The following ADAMTS18 variants were observed in gnomAD, a reference collection of about 807,000 sequenced individuals.
The protein encoded by ADAMTS18 is ADAM metallopeptidase with thrombospondin type 1 motif 18, also known as A disintegrin and metalloproteinase with thrombospondin motifs 18.
Under a neutral mutation model 165.9 loss-of-function variants are expected in ADAMTS18, and 157 were observed. The observed-to-expected ratio is 0.95, with a 90% CI of 0.83 to 1.08. ADAMTS18 has a LOEUF of 1.08. ADAMTS18 is among the 50% of genes least tolerant of loss of function. The probability of loss-of-function intolerance (pLI) is 0.00; values close to 1 mark genes in which losing one functional copy is unlikely to be tolerated. For synonymous variants in ADAMTS18, 782 were observed against 578.2 expected, an observed-to-expected ratio of 1.35 and a Z score of -5.06; for missense variants, 2,040 against 1,534.0, an observed-to-expected ratio of 1.33 and a Z score of -5.51.
chr16:77,333,885 G>GTATAATAGTATAA (rs141377842), intron 12 of ADAMTS18, among the ~76,000 whole-genome samples: 2 of 142,974 alleles, frequency 1.4e-5, no homozygotes, highest in Non-Finnish European at 3.0e-5. Flanking sequence ...TAGTATATTA[G>GTATAATAGTATAA]TATATTAATA....
chr16:77,434,807 G>C lies in ADAMTS18; in HGVS notation c.-112C>G, dbSNP rs2057777941. 1.1e-6 allele frequency: 1 copy of C among 890,234 alleles called. No individual in the cohort carries two copies. Among genetic ancestry groups the C allele is most frequent in the African/African-American group, 1.8e-5 (1 of 56,148 alleles). 55.1% of individuals were successfully genotyped at this position (890,234 alleles called of 1,614,324 possible). On this transcript the variant is annotated 5_prime_UTR_variant, in exon 1 of 23. Transcript: ENST00000282849. ...GCTCGGCGCCCCAGGTGCGGCTCCA[G>C]GTGAGAGCCGCCGCCGTTCACATCG... is the stretch of plus-strand genomic sequence containing the variant.
chr16:77,362,316 T>C, intron 6 of ADAMTS18, 52 bp from the exon 7 acceptor site: 3 of 1,592,456 alleles, frequency 1.9e-6, no homozygotes, highest in Non-Finnish European at 2.6e-6. Flanking sequence ...GAGATGAGAA[T>C]GCTGAATCAT....
Position 77,400,444 on chromosome 16 carries a change from GTGTGTGTGTGTC to G in ADAMTS18, c.495+30839_495+30850del, listed in dbSNP as rs1203528697. On this transcript the variant is annotated intron_variant, in intron 3 of 22. Transcript: ENST00000282849. ...GGGAATTGTGTGTGTGTGTGTGTGT[GTGTGTGTGTGTC>G]TGTGTGTGTGTGTGTGTGTGTGTGT... Among the ~76,000 whole-genome samples, 103 of 80,668 alleles carry G rather than the reference GTGTGTGTGTGTC, an allele frequency of 1.3e-3. 1 individual carries two copies. Among genetic ancestry groups the G allele is most frequent in the African/African-American group, 3.4e-3 (86 of 25,354 alleles). 52.9% of individuals were successfully genotyped at this position (80,668 alleles called of 152,430 possible).
intron 3 of ADAMTS18, among the ~76,000 whole-genome samples, chr16:77,399,023 C>T (rs906477985): frequency 3.3e-5 from 5 of 152,162 alleles, no homozygotes; most frequent in African/African-American, 1.2e-4. Context: ...AGCATCCTGA[C>T]CTGACTGCTA....
chr16:77,300,156 A>G, intron 17 of ADAMTS18, 107 bp downstream of exon 17: 1 of 1,331,600 alleles, frequency 7.5e-7, no homozygotes, highest in Non-Finnish European at 1.1e-6. Flanking sequence ...CATAAAAGAC[A>G]GTTCTTGGGT....
At chr16:77,401,583 C>G (rs1013955098) in intron 3 of ADAMTS18, among the ~76,000 whole-genome samples, 1 of 152,174 alleles carries the variant, frequency 6.6e-6, no homozygotes, top group Non-Finnish European at 1.5e-5. Flanking sequence ...TTGACAAGTT[C>G]TGTGTGAAGA....
At chr16:77,352,719 G>C (rs1179463356) in intron 10 of ADAMTS18, among the ~76,000 whole-genome samples, 1 of 151,950 alleles carries the variant, frequency 6.6e-6, no homozygotes, top group African/African-American at 2.4e-5. Context: ...GGAAAGAGGA[G>C]CTATAAACCT....
intron 3 of ADAMTS18, among the ~76,000 whole-genome samples, chr16:77,381,733 C>T (rs564560019): frequency 2.6e-4 from 40 of 152,184 alleles, no homozygotes; most frequent in Admixed American, 1.4e-3. Flanking sequence ...ACCCAGGAGG[C>T]GGAGGTTGCA....
chr16:77,350,628 G>C (rs560729160), intron 10 of ADAMTS18, among the ~76,000 whole-genome samples: 1 of 152,150 alleles, frequency 6.6e-6, no homozygotes, highest in Non-Finnish European at 1.5e-5. Context: ...CCAGAGATTT[G>C]TGTGTGCAAA....
intron 3 of ADAMTS18, among the ~76,000 whole-genome samples, chr16:77,411,796 C>T (rs1281298112): frequency 1.3e-5 from 2 of 148,260 alleles, no homozygotes; most frequent in South Asian, 2.2e-4. Context: ...AAGCGATTCT[C>T]CTGTCTCAGC....
At chr16:77,422,953 C>T (rs777466503) in intron 3 of ADAMTS18, among the ~76,000 whole-genome samples, 1 of 152,214 alleles carries the variant, frequency 6.6e-6, no homozygotes, top group Non-Finnish European at 1.5e-5. Context: ...CTCGTTTCCA[C>T]TGAAGGTCCT....
chr16:77,354,166 T>G (rs1263785423), intron 9 of ADAMTS18, among the ~76,000 whole-genome samples: 2 of 152,140 alleles, frequency 1.3e-5, no homozygotes, highest in African/African-American at 2.4e-5. Context: ...GTTAATACAT[T>G]TGAAAACTCC....
intron 17 of ADAMTS18, 103 bp from the exon 18 acceptor site, chr16:77,297,518 A>G: frequency 8.0e-7 from 1 of 1,247,040 alleles, no homozygotes; most frequent in Non-Finnish European, 1.2e-6. Flanking sequence ...ATTTTATTTC[A>G]GATATGGAAT....
intron 16 of ADAMTS18, among the ~76,000 whole-genome samples, chr16:77,307,937 C>G (rs183136708): frequency 6.0e-4 from 92 of 152,218 alleles, no homozygotes; most frequent in Non-Finnish European, 9.7e-4. Context: ...TCCACCTGGT[C>G]CCCACCACCC....
At chr16:77,361,889 T>A (rs1597171139) in intron 7 of ADAMTS18, among the ~76,000 whole-genome samples, 1 of 150,678 alleles carries the variant, frequency 6.6e-6, no homozygotes. Flanking sequence ...CATCTCAAAT[T>A]AAAAAAAATA....
At chr16:77,426,853 C>T (rs1490980340) in intron 3 of ADAMTS18, among the ~76,000 whole-genome samples, 1 of 152,050 alleles carries the variant, frequency 6.6e-6, no homozygotes, top group Non-Finnish European at 1.5e-5. Context: ...CAAAACCTCG[C>T]CTCTACAAAA....
intron 10 of ADAMTS18, 71 bp downstream of exon 10, chr16:77,353,662 T>G (rs1241415671): frequency 1.9e-5 from 30 of 1,609,156 alleles, no homozygotes; most frequent in Middle Eastern, 1.7e-4. Context: ...AACCAAATGT[T>G]TACACTTCTG....
At chr16:77,302,982 C>T (rs1597097395) in intron 16 of ADAMTS18, among the ~76,000 whole-genome samples, 1 of 152,148 alleles carries the variant, frequency 6.6e-6, no homozygotes, top group Non-Finnish European at 1.5e-5. Context: ...CTCAAGCCAA[C>T]CATACAAAAT....
At chr16:77,337,148 A>C (rs1157568180) in intron 11 of ADAMTS18, among the ~76,000 whole-genome samples, 2 of 152,182 alleles carry the variant, frequency 1.3e-5, no homozygotes, top group African/African-American at 4.8e-5. Flanking sequence ...CCCTGGATTA[A>C]TTGCCATTTC....
Sources: gnomAD v4.1 joint callset for allele counts (sites outside exome capture counted in the v4.1 genomes callset) on GRCh38, gnomAD v4.1.1 for gene constraint, MANE v1.5 for transcripts, NCBI Gene and HGNC (gene_info 2026-07-23, HGNC 2026-07-21) for gene names.